The following BMP6 variants were observed in gnomAD, a reference collection of about 807,000 sequenced individuals.
The protein encoded by BMP6 is bone morphogenetic protein 6.
In BMP6, 17 loss-of-function variants were observed where a neutral mutation model predicts 54.1. The observed-to-expected ratio is 0.31, with a 90% CI of 0.22 to 0.47. The LOEUF is 0.47. Ranked by LOEUF, BMP6 falls within the 20% of genes least tolerant of loss-of-function variation. The probability of loss-of-function intolerance (pLI) is 1.00; values close to 1 mark genes in which losing one functional copy is unlikely to be tolerated. For missense variants in BMP6, 720 were observed against 690.4 expected, an observed-to-expected ratio of 1.04 and a Z score of -0.48; for synonymous variants, 328 against 291.2, an observed-to-expected ratio of 1.13 and a Z score of -1.28.
Position 7,802,311 on chromosome 6 carries a change from T to G in BMP6, c.665-42829T>G, listed in dbSNP as rs115744375. On this transcript the variant is annotated intron_variant, in intron 1 of 6. Transcript: ENST00000283147. ...TGTTTTCCCTCATTCAATCATTAAA[T>G]GTTAATTGAGGACCTCTGTTCTCAG... is the stretch of plus-strand genomic sequence containing the variant. Among the ~76,000 whole-genome samples the G allele has an allele frequency of 4.0e-3, 607 of 152,280 alleles. 6 individuals are homozygous for G. Among genetic ancestry groups the G allele is most frequent in the African/African-American group, 0.014 (591 of 41,564 alleles).
chr6:7,777,750 A>G (rs147239112), intron 1 of BMP6, among the ~76,000 whole-genome samples: 9 of 152,178 alleles, frequency 5.9e-5, no homozygotes, highest in Non-Finnish European at 1.2e-4. Flanking sequence ...AGAACTACCA[A>G]ATTAGTCCTC....
intron 1 of BMP6, among the ~76,000 whole-genome samples, chr6:7,732,326 A>T (rs1761876545): frequency 6.6e-6 from 1 of 152,258 alleles, no homozygotes; most frequent in Non-Finnish European, 1.5e-5. Flanking sequence ...GTGGCATTTC[A>T]ACAAAAAAAA....
In BMP6 at chr6:7,748,335, G is replaced by C. The variant is rs576477655; in HGVS notation, c.664+20716G>C. 3.3e-5 allele frequency among the ~76,000 whole-genome samples: 5 copies of C among 152,240 alleles called. No individual in the cohort carries two copies. In the East Asian group the frequency reaches 9.7e-4, roughly 29 times the overall value. ...ACTCAGTAGTTAGAAGCTTTTATTAGAGTTGTTTGCAATAAGGGGCCATTA... is the reference window on the plus strand; with the variant it reads ...ACTCAGTAGTTAGAAGCTTTTATTACAGTTGTTTGCAATAAGGGGCCATTA... On this transcript the variant is annotated intron_variant, in intron 1 of 6. Coordinates refer to ENST00000283147, the MANE Select transcript of BMP6 (RefSeq NM_001718.6).
At chr6:7,817,069 G>A (rs1758540145) in intron 1 of BMP6, among the ~76,000 whole-genome samples, 1 of 152,280 alleles carries the variant, frequency 6.6e-6, no homozygotes, top group African/African-American at 2.4e-5. Flanking sequence ...GTCCACTCGA[G>A]AGAAACCAGC....
intron 1 of BMP6, among the ~76,000 whole-genome samples, chr6:7,740,712 T>C (rs1250614891): frequency 3.3e-5 from 5 of 152,196 alleles, no homozygotes; most frequent in Admixed American, 1.3e-4. Flanking sequence ...ACCACAGTGC[T>C]AGTTACTCAG....
At chr6:7,799,845 T>C (rs2113196066) in intron 1 of BMP6, among the ~76,000 whole-genome samples, 1 of 152,338 alleles carries the variant, frequency 6.6e-6, no homozygotes, top group East Asian at 1.9e-4. Context: ...TCATTCACAG[T>C]TGAGCCTGTG....
In BMP6 at chr6:7,862,565, C is replaced by G. The variant is rs1759352755; in HGVS notation, c.1204+67C>G. 12 of 1,583,446 alleles carry G rather than the reference C, an allele frequency of 7.6e-6. No homozygotes were observed. In the Admixed American group the frequency reaches 2.0e-4, roughly 27 times the overall value. ...GCCTCAGTGAGAACAAAAGTTGTGT[C>G]CACAGTCTCAGATGTCGGGCAGCTT... On this transcript the variant is annotated intron_variant, in intron 4 of 6. Transcript: ENST00000283147.
At chr6:7,851,647 A>C (rs897080561) in intron 2 of BMP6, among the ~76,000 whole-genome samples, 2 of 152,116 alleles carry the variant, frequency 1.3e-5, no homozygotes, top group Admixed American at 6.5e-5. Context: ...CAGATTTTTA[A>C]ATCTCAGGTA....
chr6:7,869,533 T>G (rs950226751), intron 4 of BMP6, among the ~76,000 whole-genome samples: 6 of 152,214 alleles, frequency 3.9e-5, no homozygotes, highest in Non-Finnish European at 7.4e-5. Context: ...AGCCGCCTTC[T>G]GTTGGGGCCA....
At chr6:7,872,259 GT>G (rs1456105561) in intron 4 of BMP6, among the ~76,000 whole-genome samples, 1 of 148,510 alleles carries the variant, frequency 6.7e-6, no homozygotes, top group Non-Finnish European at 1.5e-5. Context: ...TGAGGGGAAA[GT>G]TTTTTCTGTA....
intron 1 of BMP6, among the ~76,000 whole-genome samples, chr6:7,746,269 A>T (rs1022403352): frequency 1.3e-5 from 2 of 152,162 alleles, no homozygotes; most frequent in African/African-American, 4.8e-5. Flanking sequence ...AGGGATAATG[A>T]AGCCAGTCTA....
chr6:7,788,871 G>GTTTTTTTTTTTTTTTTTTTTTTTTT (rs10532545), intron 1 of BMP6, among the ~76,000 whole-genome samples: 1 of 140,372 alleles, frequency 7.1e-6, no homozygotes. Context: ...TCCTATCTCT[G>GTTTTTTTTTTTTTTTTTTTTTTTTT]TTTTTTTTTT....
intron 1 of BMP6, among the ~76,000 whole-genome samples, chr6:7,816,567 T>C (rs1332111802): frequency 6.6e-6 from 1 of 152,192 alleles, no homozygotes; most frequent in African/African-American, 2.4e-5. Flanking sequence ...AAAGCAAAAT[T>C]TGAGAGAATC....
chr6:7,803,226 T>C (rs1758298665), intron 1 of BMP6, among the ~76,000 whole-genome samples: 1 of 152,116 alleles, frequency 6.6e-6, no homozygotes, highest in Admixed American at 6.5e-5. Flanking sequence ...CAAGCTTGGC[T>C]AGAGCATCCG....
In BMP6 at chr6:7,817,490, C is replaced by T. The variant is rs374002977; in HGVS notation, c.665-27650C>T. Among the ~76,000 whole-genome samples the T allele has an allele frequency of 1.3e-3, 199 of 150,288 alleles. 1 individual carries two copies. The highest frequency in any genetic ancestry group is 4.2e-3 in the African/African-American group (170 of 40,814). Reference sequence around the variant, plus strand: ...ATCACAAGGACAGAAAACCAAACACCGCATGTTCTCACTCATAGGTGGGAA... The same window carrying T: ...ATCACAAGGACAGAAAACCAAACACTGCATGTTCTCACTCATAGGTGGGAA... On this transcript the variant is annotated intron_variant, in intron 1 of 6. Coordinates refer to ENST00000283147, the MANE Select transcript of BMP6 (RefSeq NM_001718.6).
At chr6:7,812,659 A>G (rs1053386207) in intron 1 of BMP6, among the ~76,000 whole-genome samples, 7 of 152,204 alleles carry the variant, frequency 4.6e-5, no homozygotes, top group African/African-American at 1.7e-4. Flanking sequence ...GCAAAGACCT[A>G]TTCTTATATA....
At chr6:7,824,174 G>T (rs1758657089) in intron 1 of BMP6, among the ~76,000 whole-genome samples, 1 of 152,192 alleles carries the variant, frequency 6.6e-6, no homozygotes, top group Non-Finnish European at 1.5e-5. Context: ...ATGGAGGCAG[G>T]TGTCCAAGAA....
At chr6:7,728,590 C>A (rs1761791407) in intron 1 of BMP6, among the ~76,000 whole-genome samples, 1 of 152,224 alleles carries the variant, frequency 6.6e-6, no homozygotes, top group South Asian at 2.1e-4. Context: ...GTCAGTGCCT[C>A]CGGTTTGCAC....
At chr6:7,777,761 T>C (rs905073216) in intron 1 of BMP6, among the ~76,000 whole-genome samples, 1 of 151,614 alleles carries the variant, frequency 6.6e-6, no homozygotes, top group African/African-American at 2.4e-5. Flanking sequence ...ATTAGTCCTC[T>C]GCACAAACAC....
Sources: allele counts gnomAD v4.1 joint callset (sites outside exome capture counted in the v4.1 genomes callset), GRCh38; gene constraint gnomAD v4.1.1; transcripts MANE v1.5; gene names NCBI Gene and HGNC (gene_info 2026-07-23, HGNC 2026-07-21).